Variants in NACC2 observed in about 807,000 individuals in gnomAD.
The protein encoded by NACC2 is nucleus accumbens-associated protein 2.
In NACC2, 8 loss-of-function variants were observed where a neutral mutation model predicts 25.1. The ratio of observed to expected loss-of-function variants is 0.32; its 90% CI spans 0.19 to 0.57. NACC2 has a LOEUF of 0.57. Among genes scored for constraint, NACC2 ranks in the 20% least tolerant of loss-of-function variants. NACC2 has a pLI of 0.89. For synonymous variants in NACC2, 435 were observed against 294.7 expected, an observed-to-expected ratio of 1.48 and a Z score of -4.88; for missense variants, 644 against 650.2, an observed-to-expected ratio of 0.99 and a Z score of 0.10.
chr9:136,075,357 GCTGCTGC>G (rs1390501287), intron 1 of NACC2, among the ~76,000 whole-genome samples: 2 of 152,228 alleles, frequency 1.3e-5, no homozygotes, highest in African/African-American at 4.8e-5. Flanking sequence ...CCCGAGGCTG[GCTGCTGC>G]GAACTGACTG....
chr9:136,024,893 G>A (rs979887475), intron 2 of NACC2, among the ~76,000 whole-genome samples: 1 of 152,230 alleles, frequency 6.6e-6, no homozygotes, highest in Non-Finnish European at 1.5e-5. Flanking sequence ...GGCAGTGGCT[G>A]ACAGAGCCGG....
intron 1 of NACC2, among the ~76,000 whole-genome samples, chr9:136,071,330 G>A (rs559687760): frequency 2.6e-5 from 4 of 152,056 alleles, no homozygotes; most frequent in African/African-American, 7.3e-5. Context: ...AGATCACGAG[G>A]TCAGGAGTTT....
intron 1 of NACC2, among the ~76,000 whole-genome samples, chr9:136,091,167 G>C (rs1264337062): frequency 6.6e-6 from 1 of 152,162 alleles, no homozygotes; most frequent in African/African-American, 2.4e-5. Context: ...TTAAAGGGTA[G>C]TGAGCCTTAC....
At chr9:136,042,405 T>C (rs1840647107) in intron 2 of NACC2, among the ~76,000 whole-genome samples, 2 of 151,968 alleles carry the variant, frequency 1.3e-5, no homozygotes, top group East Asian at 1.9e-4. Flanking sequence ...CACAGATCAA[T>C]GGAACCGAAC....
intron 2 of NACC2, among the ~76,000 whole-genome samples, chr9:136,037,754 C>T (rs1392721674): frequency 2.0e-5 from 3 of 152,038 alleles, no homozygotes; most frequent in Non-Finnish European, 4.4e-5. Context: ...GGTGATCCTC[C>T]CACCTCGGCT....
At chr9:136,036,300 C>T (rs945825976) in intron 2 of NACC2, among the ~76,000 whole-genome samples, 3 of 152,018 alleles carry the variant, frequency 2.0e-5, no homozygotes, top group South Asian at 2.1e-4. Context: ...GAATCAAGGA[C>T]GGCAACTTGG....
At chr9:136,052,884 C>A (rs1030493214) in intron 1 of NACC2, among the ~76,000 whole-genome samples, 26 of 152,348 alleles carry the variant, frequency 1.7e-4, no homozygotes, top group African/African-American at 5.5e-4. Flanking sequence ...GTGGTGGCCC[C>A]GGGACCCCTC....
intron 2 of NACC2, among the ~76,000 whole-genome samples, chr9:136,016,849 C>T (rs866401623): frequency 1.4e-4 from 22 of 152,250 alleles, no homozygotes; most frequent in African/African-American, 4.1e-4. Flanking sequence ...GGATGGAGGA[C>T]GGCTTGGCAG....
chr9:136,035,039 A>G (rs1840531479), intron 2 of NACC2, among the ~76,000 whole-genome samples: 1 of 152,216 alleles, frequency 6.6e-6, no homozygotes, highest in South Asian at 2.1e-4. Context: ...GGTTGCAGTG[A>G]GCTGATATCA....
rs982754760 is a variant in NACC2, at chr9:136,055,510, G to C, written c.-59-4930C>G. ...GGCAGCTCCATGGTCTGAGGGCCTCGCCCAGAGTCCCCAGAAACCCTGCCC... is the reference window on the plus strand; with the variant it reads ...GGCAGCTCCATGGTCTGAGGGCCTCCCCCAGAGTCCCCAGAAACCCTGCCC... On this transcript the variant is annotated intron_variant, in intron 1 of 5. Transcript: ENST00000277554. The surrounding 1 kb of genome is among the most constrained non-coding windows in gnomAD (Gnocchi z 4.9). 2.0e-5 allele frequency among the ~76,000 whole-genome samples: 3 copies of C among 152,114 alleles called. No individual in the cohort carries two copies. Among genetic ancestry groups the C allele is most frequent in the Admixed American group, 2.0e-4 (3 of 15,280 alleles).
In NACC2 at chr9:136,020,588, C is replaced by G. The variant is rs11103277; in HGVS notation, c.887-4159G>C. On this transcript the variant is annotated intron_variant, in intron 2 of 5. Transcript: ENST00000277554. The surrounding 1 kb of genome is among the most constrained non-coding windows in gnomAD (Gnocchi z 4.7). ...GAGGCCTACTCCCTAAAAGTGTATA[C>G]CATTTGTTAAAATGCACCACAAGAA... Among the ~76,000 whole-genome samples, 25,095 of 152,214 alleles carry G rather than the reference C, an allele frequency of 0.16. 2,477 individuals carry two copies. Among genetic ancestry groups the G allele is most frequent in the African/African-American group, 0.26 (10,874 of 41,498 alleles).
At chr9:136,017,808 G>A (rs1302065089) in intron 2 of NACC2, among the ~76,000 whole-genome samples, 2 of 151,704 alleles carry the variant, frequency 1.3e-5, no homozygotes, top group African/African-American at 4.8e-5. Flanking sequence ...CTTCACTAGG[G>A]AATCAATCCC....
intron 1 of NACC2, among the ~76,000 whole-genome samples, chr9:136,064,554 T>A (rs1052494295): frequency 1.9e-4 from 29 of 152,178 alleles, no homozygotes; most frequent in African/African-American, 6.8e-4. Context: ...AAATGAAAGA[T>A]CTAAAGAAGT....
chr9:136,091,001 C>A (rs574343502), intron 1 of NACC2, among the ~76,000 whole-genome samples: 1 of 152,340 alleles, frequency 6.6e-6, no homozygotes, highest in East Asian at 1.9e-4. Flanking sequence ...GCCCATGGCC[C>A]TGTGCCCTCC....
rs777719020 is a variant in NACC2, at chr9:136,011,941, C to T, written c.1339G>A (p.Val447Ile). The stretch of plus-strand genomic sequence containing the variant: ...ATCTTGGGCAGCCAGCGCTTGCGAA[C>T]GCGGCGGGCGTTGGTGCACATGTCC... ...AADMCTNARR[V>I]RKRWLPKIKS... Residue 447 changes from valine to isoleucine, a missense_variant, in exon 6 of 6, where the codon GTT becomes ATT. Coordinates refer to ENST00000277554, the MANE Select transcript of NACC2 (RefSeq NM_144653.5). The T allele has an allele frequency of 5.0e-6, 8 of 1,603,630 alleles. No homozygotes were observed. Among genetic ancestry groups the T allele is most frequent in the Admixed American group, 3.4e-5 (2 of 59,272 alleles).
intron 2 of NACC2, among the ~76,000 whole-genome samples, chr9:136,037,049 G>A (rs1840564568): frequency 6.6e-6 from 1 of 152,108 alleles, no homozygotes; most frequent in Non-Finnish European, 1.5e-5. Context: ...GGGCAATCCA[G>A]AAGACAAAGA....
intron 2 of NACC2, among the ~76,000 whole-genome samples, chr9:136,035,239 G>C (rs1840533660): frequency 1.3e-5 from 2 of 152,066 alleles, no homozygotes; most frequent in African/African-American, 2.4e-5. Context: ...ACAAAGGGGA[G>C]AACAGTGACC....
intron 1 of NACC2, among the ~76,000 whole-genome samples, chr9:136,067,749 C>G (rs1480103347): frequency 1.3e-5 from 2 of 152,160 alleles, no homozygotes; most frequent in African/African-American, 4.8e-5. Context: ...GCAGGAGAAT[C>G]ACTTGAACCC....
At chr9:136,091,253 T>G (rs1830431528) in intron 1 of NACC2, among the ~76,000 whole-genome samples, 1 of 152,206 alleles carries the variant, frequency 6.6e-6, no homozygotes, top group African/African-American at 2.4e-5. Flanking sequence ...AAGGCCGGGC[T>G]GCCCACATTC....
Sources: gnomAD v4.1 joint callset for allele counts (sites outside exome capture counted in the v4.1 genomes callset) on GRCh38, gnomAD v4.1.1 for gene constraint, Gnocchi (gnomAD v3.1) non-coding constraint, MANE v1.5 for transcripts, NCBI Gene and HGNC (gene_info 2026-07-23, HGNC 2026-07-21) for gene names.